Variants in NEGR1 observed in about 807,000 individuals in gnomAD.
NEGR1 encodes IgLON family member 4.
In NEGR1, 10 loss-of-function variants were observed where a neutral mutation model predicts 40.9. That is an observed-to-expected ratio of 0.24 (90% CI 0.15 to 0.42). NEGR1 has a LOEUF of 0.42. Ranked by LOEUF, NEGR1 falls within the 10% of genes least tolerant of loss-of-function variation. The pLI is 1.00. For missense variants in NEGR1, 352 were observed against 438.9 expected (o/e 0.80, Z 1.77); for synonymous variants, 185 against 166.8 (o/e 1.11, Z -0.84).
At chr1:71,671,209 G>A in intron 4 of NEGR1, among the ~76,000 whole-genome samples, 1 of 152,106 alleles carries the variant, frequency 6.6e-6, no homozygotes, top group East Asian at 1.9e-4. Flanking sequence ...ATTTGTCGTG[G>A]TTCCAGAATA....
At chr1:71,726,337 T>A (rs1175053460) in intron 3 of NEGR1, among the ~76,000 whole-genome samples, 1 of 152,112 alleles carries the variant, frequency 6.6e-6, no homozygotes, top group Non-Finnish European at 1.5e-5. Context: ...ATACAACTAC[T>A]TCTTTGCTCT....
intron 2 of NEGR1, among the ~76,000 whole-genome samples, chr1:71,918,153 G>A (rs893383239): frequency 2.2e-5 from 3 of 135,812 alleles, no homozygotes; most frequent in Non-Finnish European, 4.6e-5. Flanking sequence ...GGAGGCAGAG[G>A]TTGCAGTGAG....
At chr1:71,410,801 C>G (rs1192109483) in intron 6 of NEGR1, among the ~76,000 whole-genome samples, 1 of 152,104 alleles carries the variant, frequency 6.6e-6, no homozygotes, top group African/African-American at 2.4e-5. Context: ...AGTTAAGGGT[C>G]TCAGTATTAT....
chr1:71,875,799 A>C (rs961946827), intron 2 of NEGR1, among the ~76,000 whole-genome samples: 9 of 152,150 alleles, frequency 5.9e-5, no homozygotes, highest in African/African-American at 2.2e-4. Context: ...CAAGCTAACT[A>C]GGATCCTTCT....
intron 6 of NEGR1, among the ~76,000 whole-genome samples, chr1:71,537,622 T>C (rs1265365647): frequency 1.3e-5 from 2 of 151,758 alleles, no homozygotes; most frequent in Admixed American, 1.3e-4. Context: ...TCTGCTTCTG[T>C]ATAAGCCTTG....
intron 1 of NEGR1, among the ~76,000 whole-genome samples, chr1:72,168,005 ATTTT>A (rs10633272): frequency 7.2e-6 from 1 of 139,682 alleles, no homozygotes; most frequent in African/African-American, 2.6e-5. Flanking sequence ...TATTATTATT[ATTTT>A]TTTTTTTTTT....
chr1:71,750,485 G>C (rs1215621699), intron 3 of NEGR1, among the ~76,000 whole-genome samples: 4 of 152,184 alleles, frequency 2.6e-5, no homozygotes, highest in African/African-American at 7.2e-5. Flanking sequence ...TTGACTCACT[G>C]TTCCACATGG....
intron 1 of NEGR1, among the ~76,000 whole-genome samples, chr1:72,229,319 A>C (rs1028708726): frequency 1.3e-5 from 2 of 149,600 alleles, no homozygotes; most frequent in Non-Finnish European, 3.0e-5. Flanking sequence ...AGATAAGTAC[A>C]AATTATATTA....
intron 3 of NEGR1, among the ~76,000 whole-genome samples, chr1:71,745,415 T>C (rs1570287077): frequency 6.6e-6 from 1 of 151,686 alleles, no homozygotes; most frequent in East Asian, 2.0e-4. Context: ...TTTGTTTTCT[T>C]CTTTCAGGAG....
intron 2 of NEGR1, among the ~76,000 whole-genome samples, chr1:71,875,154 T>C (rs1301616428): frequency 2.0e-5 from 3 of 152,128 alleles, no homozygotes; most frequent in Non-Finnish European, 4.4e-5. Context: ...GCCAAGTTTT[T>C]CGTTTCTATA....
intron 2 of NEGR1, among the ~76,000 whole-genome samples, chr1:71,876,585 C>CAAGGAAGGAAGGAAGGAAAG (rs1660437917): frequency 7.4e-6 from 1 of 135,242 alleles, no homozygotes; most frequent in African/African-American, 2.8e-5. Context: ...GGGAGGGAGG[C>CAAGGAAGGAAGGAAGGAAAG]AAGGAAGGAA....
intron 1 of NEGR1, among the ~76,000 whole-genome samples, chr1:72,034,949 T>C (rs930050156): frequency 5.3e-5 from 8 of 152,286 alleles, no homozygotes; most frequent in Non-Finnish European, 7.4e-5. Flanking sequence ...ACATTCAATA[T>C]GGCAGTTCTC....
At chr1:72,178,003 T>C (rs1244242289) in intron 1 of NEGR1, among the ~76,000 whole-genome samples, 1 of 152,026 alleles carries the variant, frequency 6.6e-6, no homozygotes, top group Non-Finnish European at 1.5e-5. Flanking sequence ...GGCTTACAAA[T>C]AGAGGACAAT....
At chr1:72,258,299 C>G (rs933598268) in intron 1 of NEGR1, among the ~76,000 whole-genome samples, 2 of 152,152 alleles carry the variant, frequency 1.3e-5, no homozygotes, top group African/African-American at 4.8e-5. Flanking sequence ...GATCCCACAA[C>G]TAAGAATTAT....
chr1:71,710,681 T>C (rs1171803846), intron 3 of NEGR1, among the ~76,000 whole-genome samples: 3 of 151,824 alleles, frequency 2.0e-5, no homozygotes, highest in Non-Finnish European at 2.9e-5. Context: ...ATAATAATAA[T>C]AATAAAAACA....
At chr1:72,139,916 G>T (rs1650608809) in intron 1 of NEGR1, among the ~76,000 whole-genome samples, 2 of 152,002 alleles carry the variant, frequency 1.3e-5, no homozygotes, top group Admixed American at 6.6e-5. Context: ...GGTGTGAACT[G>T]GGAGAAGCAG....
intron 1 of NEGR1, among the ~76,000 whole-genome samples, chr1:72,069,724 T>G (rs1028602083): frequency 6.6e-6 from 1 of 152,134 alleles, no homozygotes; most frequent in Non-Finnish European, 1.5e-5. Context: ...ATTTTGTATC[T>G]AAAATTGAGT....
intron 1 of NEGR1, among the ~76,000 whole-genome samples, chr1:71,989,874 A>G (rs552754801): frequency 6.6e-6 from 1 of 152,288 alleles, no homozygotes; most frequent in South Asian, 2.1e-4. Context: ...CATTGCAGTT[A>G]ATGTTTTTTT....
chr1:72,142,540 T>TAGAC (rs1650723923), intron 1 of NEGR1, among the ~76,000 whole-genome samples: 1 of 151,470 alleles, frequency 6.6e-6, no homozygotes, highest in African/African-American at 2.4e-5. Context: ...GATAGATAGA[T>TAGAC]AGATAGATAG....
Sources: allele counts gnomAD v4.1 joint callset (sites outside exome capture counted in the v4.1 genomes callset), GRCh38; gene constraint gnomAD v4.1.1; transcripts MANE v1.5; gene names NCBI Gene and HGNC (gene_info 2026-07-23, HGNC 2026-07-21).